The following LMTK2 variants were observed in gnomAD, a reference collection of about 807,000 sequenced individuals.
LMTK2 encodes lemur tail kinase 2.
LMTK2 carries 37 observed loss-of-function variants against 127.5 expected under a neutral mutation model. That is an observed-to-expected ratio of 0.29 (90% CI 0.22 to 0.38). The LOEUF is 0.38. Ranked by LOEUF, LMTK2 falls within the 10% of genes least tolerant of loss-of-function variation. LMTK2 has a pLI of 1.00. For missense variants in LMTK2, 1,694 were observed against 1,920.3 expected, an observed-to-expected ratio of 0.88 and a Z score of 2.20; for synonymous variants, 819 against 810.1, an observed-to-expected ratio of 1.01 and a Z score of -0.19.
intron 10 of LMTK2, among the ~76,000 whole-genome samples, chr7:98,191,194 C>T (rs1797518031): frequency 6.6e-6 from 1 of 152,194 alleles, no homozygotes; most frequent in Non-Finnish European, 1.5e-5. Context: ...GTGATCCTCC[C>T]ACTTCAGCCT....
chr7:98,183,296 T>C (rs1359907984), intron 7 of LMTK2, among the ~76,000 whole-genome samples: 2 of 152,244 alleles, frequency 1.3e-5, no homozygotes, highest in Non-Finnish European at 2.9e-5. Flanking sequence ...TTCTGAAGCC[T>C]GCTACCTGGA....
intron 3 of LMTK2, among the ~76,000 whole-genome samples, chr7:98,147,661 C>T (rs1796794074): frequency 6.6e-6 from 1 of 152,204 alleles, no homozygotes; most frequent in Non-Finnish European, 1.5e-5. Context: ...GTTCCTTGGG[C>T]TCTGTTCCTT....
intron 6 of LMTK2, among the ~76,000 whole-genome samples, chr7:98,167,686 G>A (rs908028488): frequency 4.6e-5 from 7 of 152,198 alleles, no homozygotes; most frequent in African/African-American, 1.7e-4. Flanking sequence ...CATACAGGGA[G>A]GGAAGTTGAG....
At chr7:98,143,923 C>T (rs554438250) in intron 3 of LMTK2, among the ~76,000 whole-genome samples, 12 of 152,224 alleles carry the variant, frequency 7.9e-5, no homozygotes, top group African/African-American at 2.9e-4. Context: ...TCAATCAATA[C>T]AGTGGCGATT....
intron 1 of LMTK2, among the ~76,000 whole-genome samples, chr7:98,113,358 T>A (rs1796231777): frequency 6.6e-6 from 1 of 152,194 alleles, no homozygotes; most frequent in Non-Finnish European, 1.5e-5. Flanking sequence ...CCCAGCCATG[T>A]GGAACTGTGA....
At chr7:98,127,317 G>A (rs79381201) in intron 1 of LMTK2, among the ~76,000 whole-genome samples, 2,733 of 152,272 alleles carry the variant, frequency 0.018, 29 homozygotes, top group Non-Finnish European at 0.029. Flanking sequence ...TGGTCCTAAC[G>A]TGCTAGGAGA....
chr7:98,191,970 G>A lies in LMTK2; in HGVS notation c.1505G>A (p.Ser502Asn), dbSNP rs767090835. 6 of 1,614,002 alleles carry A rather than the reference G, an allele frequency of 3.7e-6. No individual in the cohort carries two copies. In the Admixed American group the frequency reaches 1.0e-4, roughly 27 times the overall value. Residue 502 changes from serine (S) to asparagine (N), a missense_variant, in exon 11 of 14, where the codon AGC becomes AAC. Ser to Asn is a conservative substitution (Grantham distance 46, BLOSUM62 1). Transcript: ENST00000297293. ...CTGGACGAAGGCTTGTCCTACACGA[G>A]CATCTTCTATCCGGTTGAAGTTTTT... ...GHLDEGLSYT[S>N]IFYPVEVFES...
chr7:98,165,008 G>C (rs942924085), intron 6 of LMTK2, among the ~76,000 whole-genome samples: 2 of 152,224 alleles, frequency 1.3e-5, no homozygotes, highest in Non-Finnish European at 2.9e-5. Flanking sequence ...GATGTCCACT[G>C]TTTCTGAAGG....
chr7:98,198,879 A>G (rs944328192), intron 11 of LMTK2, among the ~76,000 whole-genome samples: 1 of 152,196 alleles, frequency 6.6e-6, no homozygotes, highest in Non-Finnish European at 1.5e-5. Flanking sequence ...TTTCATTCAG[A>G]TCAAAAAGTT....
At chr7:98,143,894 G>A (rs1796732565) in intron 3 of LMTK2, among the ~76,000 whole-genome samples, 2 of 152,120 alleles carry the variant, frequency 1.3e-5, no homozygotes, top group Admixed American at 1.3e-4. Flanking sequence ...CTGTCAATAT[G>A]CAATTTGCTA....
chr7:98,174,856 G>T (rs1439789504), intron 7 of LMTK2, among the ~76,000 whole-genome samples: 1 of 152,202 alleles, frequency 6.6e-6, no homozygotes, highest in East Asian at 1.9e-4. Flanking sequence ...GAGAGACAGA[G>T]AAATACATTT....
At chr7:98,137,213 AC>A in intron 1 of LMTK2, 101 bp from the exon 2 acceptor site, 1 of 1,028,910 alleles carries the variant, frequency 9.7e-7, no homozygotes, top group Non-Finnish European at 1.4e-6. Flanking sequence ...TATTTTATTA[AC>A]CCTTACACCC....
Position 98,116,272 on chromosome 7 carries a change from G to A in LMTK2, c.103+8992G>A, listed in dbSNP as rs150429446. Among the ~76,000 whole-genome samples the A allele has an allele frequency of 3.9e-5, 6 of 152,198 alleles. No individual in the cohort carries two copies. In the South Asian group the frequency reaches 1.0e-3, roughly 26 times the overall value. On this transcript the variant is annotated intron_variant, in intron 1 of 13. Coordinates refer to ENST00000297293, the MANE Select transcript of LMTK2 (RefSeq NM_014916.4). Reference sequence around the variant, plus strand: ...ATATCCTTGGGATAGCACATTTTTGGGATTGGTGTTTGGATGGTATGTCAC... The same window carrying A: ...ATATCCTTGGGATAGCACATTTTTGAGATTGGTGTTTGGATGGTATGTCAC...
At chr7:98,166,494 C>T (rs1797103284) in intron 6 of LMTK2, among the ~76,000 whole-genome samples, 1 of 151,688 alleles carries the variant, frequency 6.6e-6, no homozygotes, top group Non-Finnish European at 1.5e-5. Context: ...TTGTTTTAAC[C>T]TAAGTGTTAT....
At chr7:98,185,178 A>G in intron 8 of LMTK2, 43 bp downstream of exon 8, 1 of 1,396,144 alleles carries the variant, frequency 7.2e-7, no homozygotes, top group Non-Finnish European at 1.0e-6. Context: ...TTTAATTTGA[A>G]TTGTGAAGTT....
At chr7:98,173,187 C>T (rs866170385) in intron 7 of LMTK2, among the ~76,000 whole-genome samples, 3 of 152,104 alleles carry the variant, frequency 2.0e-5, no homozygotes, top group African/African-American at 4.8e-5. Flanking sequence ...GGAAAAGTAC[C>T]GTGCCTATCA....
chr7:98,119,013 A>C (rs1166843361), intron 1 of LMTK2, among the ~76,000 whole-genome samples: 4 of 151,274 alleles, frequency 2.6e-5, no homozygotes, highest in African/African-American at 9.7e-5. Context: ...AATCGCTTGA[A>C]CCTGGGAGGC....
chr7:98,165,928 G>A (rs1253904984), intron 6 of LMTK2, among the ~76,000 whole-genome samples: 3 of 152,076 alleles, frequency 2.0e-5, no homozygotes, highest in Non-Finnish European at 1.5e-5. Flanking sequence ...GGCCTGTGCT[G>A]GACAACCGCA....
chr7:98,131,539 T>G (rs1171298649), intron 1 of LMTK2, among the ~76,000 whole-genome samples: 2 of 152,164 alleles, frequency 1.3e-5, no homozygotes, highest in East Asian at 3.8e-4. Flanking sequence ...AGATTCAGGT[T>G]TGATATTGTT....
Sources: allele counts gnomAD v4.1 joint callset (sites outside exome capture counted in the v4.1 genomes callset), GRCh38; gene constraint gnomAD v4.1.1; transcripts MANE v1.5; gene names NCBI Gene and HGNC (gene_info 2026-07-23, HGNC 2026-07-21).